The following CNTNAP2 variants were observed in gnomAD, a reference collection of about 807,000 sequenced individuals.
CNTNAP2 encodes contactin-associated protein-like 2.
Under a neutral mutation model 155.2 loss-of-function variants are expected in CNTNAP2, and 98 were observed. The observed-to-expected ratio is 0.63, with a 90% confidence interval of 0.54 to 0.75. CNTNAP2 has a LOEUF of 0.75. Ranked by LOEUF, CNTNAP2 falls within the 30% of genes least tolerant of loss-of-function variation. The pLI is 0.00. For missense variants in CNTNAP2, 1,727 were observed against 1,688.1 expected, an observed-to-expected ratio of 1.02 and a Z score of -0.40; for synonymous variants, 651 against 631.2, an observed-to-expected ratio of 1.03 and a Z score of -0.47.
chr7:148,301,306 A>T (rs148735207), intron 21 of CNTNAP2, among the ~76,000 whole-genome samples: 6,594 of 103,832 alleles, frequency 0.064, 293 homozygotes, highest in African/African-American at 0.085. Context: ...AAAAAAAAAA[A>T]ATATATATAT....
chr7:147,935,260 G>A (rs1288162420), intron 14 of CNTNAP2, among the ~76,000 whole-genome samples: 1 of 151,964 alleles, frequency 6.6e-6, no homozygotes, highest in Non-Finnish European at 1.5e-5. Context: ...CAGAGTAGCT[G>A]GGATTACAGG....
intron 1 of CNTNAP2, among the ~76,000 whole-genome samples, chr7:146,136,679 G>GA (rs1418591966): frequency 0.11 from 7 of 62 alleles, no homozygotes; most frequent in South Asian, 0.43. Flanking sequence ...TTTAGTAGGT[G>GA]GGGCCCCTAA....
chr7:148,015,599 C>A (rs1003172230), intron 15 of CNTNAP2, among the ~76,000 whole-genome samples: 1 of 152,200 alleles, frequency 6.6e-6, no homozygotes, highest in African/African-American at 2.4e-5. Context: ...TAATTTGTAT[C>A]CAGTGTGCTA....
intron 15 of CNTNAP2, among the ~76,000 whole-genome samples, chr7:148,035,863 A>G (rs1802564877): frequency 6.6e-6 from 1 of 152,200 alleles, no homozygotes; most frequent in Non-Finnish European, 1.5e-5. Context: ...AGGCTGCCTG[A>G]GACTTTGAGG....
chr7:146,843,788 G>A (rs1157295000), intron 3 of CNTNAP2, among the ~76,000 whole-genome samples: 1 of 151,994 alleles, frequency 6.6e-6, no homozygotes, highest in African/African-American at 2.4e-5. Flanking sequence ...TTAAATACTA[G>A]AGTTTTTTAA....
intron 9 of CNTNAP2, among the ~76,000 whole-genome samples, chr7:147,326,067 C>A (rs2620470): frequency 6.6e-6 from 1 of 151,950 alleles, no homozygotes. Context: ...GGACGACAAG[C>A]GCACGCCACC....
intron 8 of CNTNAP2, among the ~76,000 whole-genome samples, chr7:147,247,268 C>T (rs1230740819): frequency 2.0e-5 from 3 of 152,184 alleles, no homozygotes; most frequent in Non-Finnish European, 4.4e-5. Context: ...GGATGCTAGA[C>T]ACATTGTACT....
At chr7:146,427,428 T>A (rs1796109484) in intron 1 of CNTNAP2, among the ~76,000 whole-genome samples, 2 of 152,218 alleles carry the variant, frequency 1.3e-5, no homozygotes, top group Non-Finnish European at 2.9e-5. Flanking sequence ...TTATTATGAA[T>A]GCTAAAATTT....
chr7:147,655,655 T>C (rs1416000024), intron 13 of CNTNAP2, among the ~76,000 whole-genome samples: 1 of 152,206 alleles, frequency 6.6e-6, no homozygotes, highest in Non-Finnish European at 1.5e-5. Context: ...CCTGTTAAAG[T>C]TGTAAACAGA....
rs111700180 is a variant in CNTNAP2, at chr7:147,004,099, A to G, written c.403-39808A>G. On this transcript the variant is annotated intron_variant, in intron 3 of 23. Transcript: ENST00000361727. ...GTACAATAACAATACATTCAAAATAAGAATATATTTCCATGATATTTGGCG... is the reference window on the plus strand; with the variant it reads ...GTACAATAACAATACATTCAAAATAGGAATATATTTCCATGATATTTGGCG... 4.7e-4 allele frequency among the ~76,000 whole-genome samples: 71 copies of G among 152,040 alleles called. 1 individual carries two copies. The highest frequency in any genetic ancestry group is 1.6e-3 in the African/African-American group (68 of 41,516).
intron 2 of CNTNAP2, among the ~76,000 whole-genome samples, chr7:146,797,219 T>C (rs557947788): frequency 6.6e-6 from 1 of 152,348 alleles, no homozygotes; most frequent in South Asian, 2.1e-4. Flanking sequence ...AAAAATCTTA[T>C]TAGTTTTCTG....
chr7:147,315,534 T>A (rs1430293739), intron 9 of CNTNAP2, among the ~76,000 whole-genome samples: 1 of 146,512 alleles, frequency 6.8e-6, no homozygotes, highest in East Asian at 2.0e-4. Context: ...CAGGCTGGAG[T>A]GCAGTGGCAT....
At chr7:147,842,557 CTTTTTT>C (rs1171642244) in intron 13 of CNTNAP2, among the ~76,000 whole-genome samples, 2 of 87,590 alleles carry the variant, frequency 2.3e-5, no homozygotes, top group Non-Finnish European at 5.0e-5. Flanking sequence ...AGTTGCATTT[CTTTTTT>C]TTTTTTTTTT....
intron 10 of CNTNAP2, among the ~76,000 whole-genome samples, chr7:147,452,028 G>T (rs1396196540): frequency 2.0e-5 from 3 of 152,184 alleles, no homozygotes; most frequent in African/African-American, 4.8e-5. Flanking sequence ...AGCCTATACA[G>T]TTCCATCTAT....
chr7:147,544,504 C>G (rs967998223), intron 11 of CNTNAP2, among the ~76,000 whole-genome samples: 3 of 151,936 alleles, frequency 2.0e-5, no homozygotes, highest in Non-Finnish European at 4.4e-5. Flanking sequence ...TTGTTATAGG[C>G]TTTCAGAAAA....
chr7:146,721,916 C>T (rs1342609421), intron 1 of CNTNAP2, among the ~76,000 whole-genome samples: 7 of 103,034 alleles, frequency 6.8e-5, no homozygotes, highest in Admixed American at 1.9e-4. Flanking sequence ...TGAGATGGAA[C>T]CTGGCTCTGT....
At chr7:147,051,182 A>ATG (rs991046071) in intron 4 of CNTNAP2, among the ~76,000 whole-genome samples, 2 of 121,112 alleles carry the variant, frequency 1.7e-5, no homozygotes, top group African/African-American at 4.9e-5. Context: ...ATACATATAT[A>ATG]TGTATATATA....
intron 21 of CNTNAP2, among the ~76,000 whole-genome samples, chr7:148,282,928 C>A (rs2116464332): frequency 6.6e-6 from 1 of 152,032 alleles, no homozygotes; most frequent in South Asian, 2.1e-4. Flanking sequence ...TTGAAATAAA[C>A]AAACATTTGA....
intron 13 of CNTNAP2, among the ~76,000 whole-genome samples, chr7:147,795,335 T>G (rs1797876937): frequency 6.6e-6 from 1 of 152,106 alleles, no homozygotes; most frequent in African/African-American, 2.4e-5. Context: ...TCTATTCACT[T>G]TTAATGTTTT....
Sources: gnomAD v4.1 joint callset for allele counts (sites outside exome capture counted in the v4.1 genomes callset) on GRCh38, gnomAD v4.1.1 for gene constraint, MANE v1.5 for transcripts, NCBI Gene and HGNC (gene_info 2026-07-23, HGNC 2026-07-21) for gene names.